KMT5B: variants seen among roughly 807,000 people sequenced by gnomAD.
KMT5B encodes the protein lysine methyltransferase 5B.
KMT5B carries 10 observed loss-of-function variants against 83.2 expected under a neutral mutation model. The ratio of observed to expected loss-of-function variants is 0.12; its 90% CI spans 0.07 to 0.20. The LOEUF (loss-of-function observed/expected upper bound fraction) is 0.20. Among genes scored for constraint, KMT5B ranks in the 10% least tolerant of loss-of-function variants. The pLI, the probability that KMT5B is intolerant of heterozygous loss-of-function variation, is 1.00. For missense variants in KMT5B, 753 were observed against 1,067.2 expected (o/e 0.71, Z 4.10); for synonymous variants, 349 against 388.8 (o/e 0.90, Z 1.20).
rs1385565352 is a variant in KMT5B at position 68,158,519 on chromosome 11, C to T, written c.1827G>A (p.Met609Ile). ...TTCCTTGTCGTGACTTCTTTTTGGA[C>T]ATGCCTGTGTCACTCTTATGACACT... ...EAKCHKSDTG[M>I]SKKKSRQGKL... Residue 609 changes from methionine (M) to isoleucine (I), a missense_variant, in exon 11 of 11, where the codon ATG (methionine) becomes ATA (isoleucine). By Grantham distance (10) the Met-to-Ile change is conservative (BLOSUM62 1). Coordinates refer to ENST00000304363, the MANE Select transcript of KMT5B (RefSeq NM_017635.5). 3.1e-6 allele frequency: 5 copies of T among 1,614,080 alleles called. No individual in the cohort carries two copies. The highest frequency in any genetic ancestry group is 3.4e-6 in the Non-Finnish European group (4 of 1,180,044).
At chr11:68,198,706 G>C (rs973670194) in intron 1 of KMT5B, among the ~76,000 whole-genome samples, 3 of 152,142 alleles carry the variant, frequency 2.0e-5, no homozygotes, top group African/African-American at 7.2e-5. Flanking sequence ...AAATTGTTAG[G>C]AAAAACATTT....
chr11:68,180,470 G>A (rs995680560), intron 3 of KMT5B, among the ~76,000 whole-genome samples: 1 of 152,080 alleles, frequency 6.6e-6, no homozygotes, highest in Non-Finnish European at 1.5e-5. Flanking sequence ...ATTTTAAAAT[G>A]ATATTTAAAG....
chr11:68,204,191 G>C (rs139010699), intron 1 of KMT5B, among the ~76,000 whole-genome samples: 4 of 152,240 alleles, frequency 2.6e-5, no homozygotes, highest in African/African-American at 9.6e-5. Flanking sequence ...TTTTGAAAAA[G>C]ACTAAACTTG....
chr11:68,212,944 G>GCCGGCCCCGCA lies in KMT5B; in HGVS notation c.-77+183_-77+193dup, dbSNP rs1477803923. Among the ~76,000 whole-genome samples, 329 of 141,072 alleles carry GCCGGCCCCGCA rather than the reference G, an allele frequency of 2.3e-3. 1 individual carries two copies. The highest frequency in any genetic ancestry group is 4.4e-3 in the Non-Finnish European group (283 of 64,334). 92.5% of individuals were successfully genotyped at this position (141,072 alleles called of 152,430 possible). On this transcript the variant is annotated intron_variant, in intron 1 of 10. Transcript: ENST00000304363. Reference sequence around the variant, plus strand: ...CCGCGGCCACCACTGCAGGCCCCGCGCCGGCCCCGCACCGGCCCGGCCGCA... The same window carrying GCCGGCCCCGCA: ...CCGCGGCCACCACTGCAGGCCCCGCGCCGGCCCCGCACCGGCCCCGCACCGGCCCGGCCGCA...
chr11:68,207,535 G>A (rs1860287414), intron 1 of KMT5B, among the ~76,000 whole-genome samples: 1 of 152,070 alleles, frequency 6.6e-6, no homozygotes, highest in African/African-American at 2.4e-5. Flanking sequence ...GCTCACGCCT[G>A]TAATCCCAGC....
chr11:68,175,250 A>C, intron 4 of KMT5B, 67 bp from the exon 5 acceptor site: 2 of 1,310,554 alleles, frequency 1.5e-6, no homozygotes, highest in Admixed American at 2.1e-5. Context: ...CCATCTTAAC[A>C]GATCTTGAGA....
chr11:68,188,771 T>C (rs781717845), intron 2 of KMT5B, among the ~76,000 whole-genome samples: 2 of 152,226 alleles, frequency 1.3e-5, no homozygotes, highest in Non-Finnish European at 2.9e-5. Context: ...AAGATATGCC[T>C]AGTTTGCTGA....
At chr11:68,173,563 G>A (rs1401789219) in intron 6 of KMT5B, among the ~76,000 whole-genome samples, 1 of 152,028 alleles carries the variant, frequency 6.6e-6, no homozygotes, top group East Asian at 1.9e-4. Context: ...CACTGAACAG[G>A]CATCCAGAGT....
chr11:68,169,440 C>A (rs901847413), intron 9 of KMT5B, among the ~76,000 whole-genome samples: 2 of 152,104 alleles, frequency 1.3e-5, no homozygotes, highest in African/African-American at 4.8e-5. Context: ...GGGGATATAG[C>A]GGAAAATGAA....
rs1431348817 is a variant in KMT5B at position 68,158,113 on chromosome 11, T to C, written c.2233A>G (p.Ile745Val). Residue 745 changes from isoleucine (I) to valine (V), a missense_variant, in exon 11 of 11, where the codon ATC becomes GTC. Ile to Val is a conservative substitution (Grantham distance 29). Around this residue, in one of 9 missense-constraint regions of KMT5B, gnomAD observed 161 missense variants for 195.1 expected, o/e 0.83. Coordinates refer to ENST00000304363, the MANE Select transcript of KMT5B (RefSeq NM_017635.5). ...TTGTCATGGTCTTTGCTTAACTTGA[T>C]GCTTATTTTGGAAGAGTTCATTCCA... ...NDGMNSSKIS[I>V]KLSKDHDNDN... 1.2e-6 allele frequency: 2 copies of C among 1,614,122 alleles called. No individual in the cohort carries two copies. The highest frequency in any genetic ancestry group is 1.7e-5 in the Admixed American group (1 of 60,016).
intron 2 of KMT5B, among the ~76,000 whole-genome samples, chr11:68,187,911 A>G (rs938998451): frequency 3.3e-5 from 5 of 152,118 alleles, no homozygotes; most frequent in African/African-American, 7.2e-5. Context: ...TTCTGGCCCA[A>G]TAACATTCAA....
chr11:68,165,566 G>T, intron 10 of KMT5B: 1 of 289,272 alleles, frequency 3.5e-6, no homozygotes, highest in Non-Finnish European at 6.0e-6. Flanking sequence ...AAAACTCCTA[G>T]GCTCAAGTGA....
In KMT5B at chr11:68,171,547, G is replaced by A. The variant is rs367733547; in HGVS notation, c.816C>T (p.Asn272=). The change falls in exon 7 of 11, where the codon AAC becomes AAT. Residue 272 remains asparagine, a synonymous_variant. Coordinates refer to ENST00000304363, the MANE Select transcript of KMT5B (RefSeq NM_017635.5). The surrounding 1 kb of genome is among the most constrained non-coding windows in gnomAD (Gnocchi z 5.1). ...CACCTTGGAAACACAGCTTACCATG[G>A]TTTATAAACGCAGCAGGACCCAGCC... is the stretch of plus-strand genomic sequence containing the variant. ...QLWLGPAAFI[N]HDCRPNCKFV... The A allele has an allele frequency of 8.1e-6, 13 of 1,613,376 alleles. No individual in the cohort carries two copies. In the African/African-American group the frequency reaches 1.7e-4, roughly 22 times the overall value.
intron 5 of KMT5B, among the ~76,000 whole-genome samples, chr11:68,174,448 T>C (rs1031679793): frequency 6.6e-6 from 1 of 152,110 alleles, no homozygotes; most frequent in Non-Finnish European, 1.5e-5. Flanking sequence ...GGGTTAAGGG[T>C]ACTCACTCTG....
intron 9 of KMT5B, among the ~76,000 whole-genome samples, chr11:68,169,312 T>C (rs1425306153): frequency 6.6e-6 from 1 of 152,206 alleles, no homozygotes; most frequent in Non-Finnish European, 1.5e-5. Flanking sequence ...CCTCAGTATG[T>C]GGTTAGGTGT....
At chr11:68,210,560 C>A (rs1252103008) in intron 1 of KMT5B, among the ~76,000 whole-genome samples, 1 of 151,886 alleles carries the variant, frequency 6.6e-6, no homozygotes, top group African/African-American at 2.4e-5. Context: ...AGAATTGATT[C>A]TTATTCCATG....
intron 5 of KMT5B, among the ~76,000 whole-genome samples, chr11:68,174,804 A>G (rs1459560661): frequency 6.6e-6 from 1 of 152,118 alleles, no homozygotes; most frequent in Non-Finnish European, 1.5e-5. Context: ...TAGCCCCCAC[A>G]AAGTGCTGGG....
chr11:68,198,621 C>T (rs1434223958), intron 1 of KMT5B, among the ~76,000 whole-genome samples: 2 of 152,086 alleles, frequency 1.3e-5, no homozygotes, highest in African/African-American at 2.4e-5. Context: ...CCCATGGTCA[C>T]GGTTTGGCTG....
At chr11:68,193,827 G>T (rs1346372716) in intron 1 of KMT5B, among the ~76,000 whole-genome samples, 2 of 149,916 alleles carry the variant, frequency 1.3e-5, no homozygotes, top group African/African-American at 4.9e-5. Context: ...AAGAGACAGG[G>T]TCTTGCTCTG....
Sources: gnomAD v4.1 joint callset for allele counts (sites outside exome capture counted in the v4.1 genomes callset) on GRCh38, gnomAD v4.1.1 for gene constraint, gnomAD v4.1.1 regional missense constraint, Gnocchi (gnomAD v3.1) non-coding constraint, MANE v1.5 for transcripts, NCBI Gene and HGNC (gene_info 2026-07-23, HGNC 2026-07-21) for gene names.